The following KLF12 variants were observed in gnomAD, a reference collection of about 807,000 sequenced individuals.
KLF12 encodes the protein KLF transcription factor 12.
Under a neutral mutation model 37.8 loss-of-function variants are expected in KLF12, and 9 were observed. The ratio of observed to expected loss-of-function variants is 0.24; its 90% CI spans 0.14 to 0.42. The LOEUF is 0.42. KLF12 is among the 10% of genes least tolerant of loss of function. The pLI is 1.00. For missense variants in KLF12, 411 were observed against 516.0 expected, an observed-to-expected ratio of 0.80 and a Z score of 1.97; for synonymous variants, 208 against 202.1, an observed-to-expected ratio of 1.03 and a Z score of -0.25.
the KLF12 span, among the ~76,000 whole-genome samples, chr13:74,271,014 G>C: frequency 5.1e-4 from 78 of 152,242 alleles, no homozygotes; most frequent in Non-Finnish European, 8.5e-4. Context: ...GTGAGCGGTG[G>C]GTGAGTGTGC....
intron 1 of KLF12, among the ~76,000 whole-genome samples, chr13:74,059,789 T>C (rs1873467159): frequency 6.6e-6 from 1 of 152,236 alleles, no homozygotes; most frequent in South Asian, 2.1e-4. Context: ...TTAAGTTCCA[T>C]TTGTCTATTT....
At chr13:74,203,938 T>A in the KLF12 span, among the ~76,000 whole-genome samples, 1 of 152,104 alleles carries the variant, frequency 6.6e-6, no homozygotes, top group African/African-American at 2.4e-5. Flanking sequence ...AATGATTGGA[T>A]GAAGAAAGAC....
rs1252299039 is a variant in KLF12, at chr13:73,691,515, G to A, written c.*3975C>T. The stretch of plus-strand genomic sequence containing the variant: ...ATTCATAAGAGTTACCTCACATTCA[G>A]TCCCTTATACGCAGACTGTAACATG... On this transcript the variant is annotated 3_prime_UTR_variant, in exon 8 of 8. Coordinates refer to ENST00000377669, the MANE Select transcript of KLF12 (RefSeq NM_007249.5). 1 of 152,586 alleles carries A rather than the reference G, an allele frequency of 6.6e-6. No individual in the cohort carries two copies. The highest frequency in any genetic ancestry group is 1.5e-5 in the Non-Finnish European group (1 of 68,028). 9.5% of individuals were successfully genotyped at this position (152,586 alleles called of 1,614,324 possible).
chr13:73,709,067 C>T (rs1875168581), intron 7 of KLF12, among the ~76,000 whole-genome samples: 1 of 152,156 alleles, frequency 6.6e-6, no homozygotes, highest in Non-Finnish European at 1.5e-5. Flanking sequence ...TACTTGGTCA[C>T]ATCTTCGTGT....
At chr13:73,985,250 G>A (rs973029131) in intron 2 of KLF12, among the ~76,000 whole-genome samples, 11 of 152,190 alleles carry the variant, frequency 7.2e-5, no homozygotes, top group African/African-American at 2.4e-4. Context: ...GCCACTTCAA[G>A]AGCAAAACAC....
At chr13:73,801,391 T>C (rs1156423178) in intron 5 of KLF12, 1 of 152,106 alleles carries the variant, frequency 6.6e-6, no homozygotes, top group African/African-American at 2.4e-5. Flanking sequence ...TTTTCTATCA[T>C]GTGTACTCTC....
At chr13:73,793,339 C>T (rs1194710300) in intron 5 of KLF12, among the ~76,000 whole-genome samples, 1 of 152,142 alleles carries the variant, frequency 6.6e-6, no homozygotes, top group Admixed American at 6.5e-5. Flanking sequence ...TAGTAGGAAA[C>T]TCTTTTATAT....
the KLF12 span, among the ~76,000 whole-genome samples, chr13:74,303,533 T>C: frequency 3.5e-4 from 53 of 152,288 alleles, no homozygotes; most frequent in Non-Finnish European, 6.2e-4. Flanking sequence ...TCAGACCATT[T>C]CTGTTTATAA....
At chr13:74,187,191 G>A in the KLF12 span, among the ~76,000 whole-genome samples, 1 of 152,134 alleles carries the variant, frequency 6.6e-6, no homozygotes, top group South Asian at 2.1e-4. Flanking sequence ...AGCTGGGTAT[G>A]GTGGCATGTG....
chr13:74,161,876 G>C, the KLF12 span, among the ~76,000 whole-genome samples: 1 of 151,986 alleles, frequency 6.6e-6, no homozygotes. Context: ...GGGGTCAGGG[G>C]GAATCATATG....
chr13:74,289,992 G>A, the KLF12 span, among the ~76,000 whole-genome samples: 277 of 152,184 alleles, frequency 1.8e-3, no homozygotes, highest in African/African-American at 6.1e-3. Flanking sequence ...AACAGTAACA[G>A]GATACAGGAT....
chr13:74,096,617 C>T (rs752694552), intron 1 of KLF12, among the ~76,000 whole-genome samples: 7 of 151,894 alleles, frequency 4.6e-5, no homozygotes, highest in Non-Finnish European at 7.4e-5. Context: ...AATCATGTTT[C>T]TGTTTCCTAG....
At chr13:74,270,943 C>T in the KLF12 span, among the ~76,000 whole-genome samples, 4 of 152,152 alleles carry the variant, frequency 2.6e-5, no homozygotes, top group Admixed American at 2.0e-4. Context: ...GAACAGCAGT[C>T]CTCAACCCCC....
chr13:74,216,986 C>T, the KLF12 span, among the ~76,000 whole-genome samples: 1 of 152,236 alleles, frequency 6.6e-6, no homozygotes, highest in Non-Finnish European at 1.5e-5. Flanking sequence ...CATATTTCTT[C>T]CATATCCCCC....
At chr13:73,861,743 T>C (rs1411355355) in intron 3 of KLF12, among the ~76,000 whole-genome samples, 2 of 152,192 alleles carry the variant, frequency 1.3e-5, no homozygotes, top group African/African-American at 4.8e-5. Flanking sequence ...GTGTTAATCA[T>C]GTAAATATAT....
At chr13:73,988,790 T>C (rs1349828140) in intron 2 of KLF12, among the ~76,000 whole-genome samples, 1 of 152,234 alleles carries the variant, frequency 6.6e-6, no homozygotes, top group Non-Finnish European at 1.5e-5. Context: ...CTAAACTGAC[T>C]ATACTGTAAA....
chr13:73,836,062 G>T (rs567877300), intron 4 of KLF12, among the ~76,000 whole-genome samples: 56 of 152,150 alleles, frequency 3.7e-4, no homozygotes, highest in Non-Finnish European at 6.5e-4. Context: ...AGGTGAAGCT[G>T]CTTGGTCTTG....
rs1892073717 is a variant in KLF12, at chr13:73,995,157, C to T, written c.-31-104G>A. The stretch of plus-strand genomic sequence containing the variant: ...CATCTTAATTCTACAGTTCCTTAAG[C>T]TCGTGATCATAGAGCTGAGGAATAT... On this transcript the variant is annotated intron_variant, in intron 1 of 7. Transcript: ENST00000377669. 11 of 725,566 alleles carry T rather than the reference C, an allele frequency of 1.5e-5. No individual in the cohort carries two copies. The South Asian group carries it at 1.7e-4, about 11-fold the overall frequency. The allele number at this position is 725,566 out of a possible 1,614,324, so 44.9% of individuals were successfully genotyped here.
intron 7 of KLF12, among the ~76,000 whole-genome samples, chr13:73,705,938 G>A (rs1874902963): frequency 6.6e-6 from 1 of 152,156 alleles, no homozygotes; most frequent in Non-Finnish European, 1.5e-5. Context: ...TGGATCACAA[G>A]GTCATGAGAT....
Sources: allele counts gnomAD v4.1 joint callset (sites outside exome capture counted in the v4.1 genomes callset), GRCh38; gene constraint gnomAD v4.1.1; transcripts MANE v1.5; gene names NCBI Gene and HGNC (gene_info 2026-07-23, HGNC 2026-07-21).